Variants in ACSS3 observed in about 807,000 individuals in gnomAD.
ACSS3 encodes acyl-CoA synthetase short chain family member 3.
Under a neutral mutation model 84.2 loss-of-function variants are expected in ACSS3, and 64 were observed. The ratio of observed to expected loss-of-function variants is 0.76; its 90% CI spans 0.62 to 0.94. The LOEUF is 0.94. Among genes scored for constraint, ACSS3 ranks in the 40% least tolerant of loss-of-function variants. ACSS3 has a pLI of 0.00. For missense variants in ACSS3, 815 were observed against 867.6 expected (o/e 0.94, Z 0.76); for synonymous variants, 317 against 310.1 (o/e 1.02, Z -0.23).
chr12:81,081,382 C>T (rs908148182), intron 1 of ACSS3, among the ~76,000 whole-genome samples: 10 of 152,138 alleles, frequency 6.6e-5, no homozygotes, highest in South Asian at 4.1e-4. Flanking sequence ...GGGGTTTATA[C>T]GTGATTGCTT....
At chr12:81,244,090 G>C (rs1382679506) in intron 13 of ACSS3, among the ~76,000 whole-genome samples, 1 of 151,822 alleles carries the variant, frequency 6.6e-6, no homozygotes, top group Non-Finnish European at 1.5e-5. Flanking sequence ...ATTTTTGAAG[G>C]ATAATTTTCC....
chr12:81,200,036 T>C (rs1173066915), intron 9 of ACSS3, among the ~76,000 whole-genome samples: 1 of 152,238 alleles, frequency 6.6e-6, no homozygotes, highest in African/African-American at 2.4e-5. Flanking sequence ...AATTTGTTCA[T>C]TTAATTTATT....
intron 7 of ACSS3, among the ~76,000 whole-genome samples, chr12:81,166,425 G>A (rs1887406055): frequency 6.6e-6 from 1 of 152,198 alleles, no homozygotes; most frequent in Non-Finnish European, 1.5e-5. Flanking sequence ...GTATGACATT[G>A]TGAAGTAAGA....
chr12:81,242,643 C>G (rs1275897239), intron 13 of ACSS3, among the ~76,000 whole-genome samples: 1 of 144,060 alleles, frequency 6.9e-6, no homozygotes, highest in Admixed American at 7.1e-5. Context: ...AGCAGCACAT[C>G]AAAAAGTTTA....
chr12:81,103,831 G>T (rs1368526802), intron 1 of ACSS3, among the ~76,000 whole-genome samples: 1 of 152,106 alleles, frequency 6.6e-6, no homozygotes, highest in Non-Finnish European at 1.5e-5. Context: ...GTTTATAGAA[G>T]TAGTATTGTA....
At chr12:81,223,349 C>T (rs1396578950) in intron 11 of ACSS3, among the ~76,000 whole-genome samples, 4 of 151,990 alleles carry the variant, frequency 2.6e-5, no homozygotes, top group East Asian at 1.9e-4. Context: ...ATATGGTTAA[C>T]GATGCCTGTT....
chr12:81,115,159 A>C (rs935964243), intron 2 of ACSS3, among the ~76,000 whole-genome samples: 2 of 152,156 alleles, frequency 1.3e-5, no homozygotes, highest in African/African-American at 4.8e-5. Context: ...TTTTGTTGAC[A>C]ATATTTATGC....
At chr12:81,230,084 C>T (rs987223555) in intron 11 of ACSS3, among the ~76,000 whole-genome samples, 3 of 151,786 alleles carry the variant, frequency 2.0e-5, no homozygotes, top group Admixed American at 2.0e-4. Context: ...GCCATCTGTG[C>T]TTCATTTTCA....
At chr12:81,175,005 AT>A (rs1593160322) in intron 8 of ACSS3, 66 bp downstream of exon 8, 29 of 1,545,944 alleles carry the variant, frequency 1.9e-5, no homozygotes, top group Middle Eastern at 1.8e-4. Flanking sequence ...AGTGAACATT[AT>A]TTTTTTTCTG....
chr12:81,113,914 G>A (rs990430381), intron 2 of ACSS3, among the ~76,000 whole-genome samples: 8 of 152,078 alleles, frequency 5.3e-5, no homozygotes, highest in Non-Finnish European at 1.0e-4. Flanking sequence ...CAAGTTAGTC[G>A]TTATATTAAG....
At chr12:81,122,748 A>G (rs10778791) in intron 2 of ACSS3, among the ~76,000 whole-genome samples, 135,218 of 152,128 alleles carry the variant, frequency 0.89, 61,106 homozygotes, top group Middle Eastern at 0.97. Context: ...GCATAACTGT[A>G]AAAAGTTACC....
intron 9 of ACSS3, among the ~76,000 whole-genome samples, chr12:81,213,729 TCCG>T (rs2032726424): frequency 9.5e-6 from 1 of 104,858 alleles, no homozygotes; most frequent in Non-Finnish European, 2.0e-5. Context: ...TCCGCTCCCC[TCCG>T]CTCCCCTCCG....
At chr12:81,237,206 A>C (rs7298762) in intron 13 of ACSS3, among the ~76,000 whole-genome samples, 2,828 of 151,608 alleles carry the variant, frequency 0.019, 86 homozygotes, top group African/African-American at 0.064. Context: ...ATAGTGAGCC[A>C]ATCTCCCCAG....
At chr12:81,199,010 A>G (rs955340857) in intron 8 of ACSS3, among the ~76,000 whole-genome samples, 2 of 152,178 alleles carry the variant, frequency 1.3e-5, no homozygotes, top group Admixed American at 6.5e-5. Context: ...TAGCGGAGAC[A>G]ATGTCAAGGT....
intron 1 of ACSS3, among the ~76,000 whole-genome samples, chr12:81,098,701 A>G (rs1376944146): frequency 6.6e-6 from 1 of 152,248 alleles, no homozygotes; most frequent in Non-Finnish European, 1.5e-5. Context: ...GTCTGCAGTC[A>G]TTTAAATAAC....
chr12:81,126,813 A>G (rs1885128183), intron 2 of ACSS3, among the ~76,000 whole-genome samples: 1 of 152,096 alleles, frequency 6.6e-6, no homozygotes, highest in African/African-American at 2.4e-5. Flanking sequence ...ATTGAAACCC[A>G]TGTGTGAAGA....
chr12:81,199,632 T>G (rs1386782795), intron 9 of ACSS3, 188 bp downstream of exon 9: 12 of 1,498,722 alleles, frequency 8.0e-6, no homozygotes, highest in Non-Finnish European at 1.1e-5. Flanking sequence ...ATAAGTGACA[T>G]TGATGCCACC....
At chr12:81,241,728 G>A (rs1053370580) in intron 13 of ACSS3, among the ~76,000 whole-genome samples, 2 of 151,916 alleles carry the variant, frequency 1.3e-5, no homozygotes, top group African/African-American at 2.4e-5. Context: ...TGTAGATTCT[G>A]GATATTAGCC....
At chr12:81,116,000 A>G (rs957180663) in intron 2 of ACSS3, among the ~76,000 whole-genome samples, 1 of 152,136 alleles carries the variant, frequency 6.6e-6, no homozygotes, top group Non-Finnish European at 1.5e-5. Flanking sequence ...GCATTTATTA[A>G]TGTTAAAATG....
Sources: gnomAD v4.1 joint callset for allele counts (sites outside exome capture counted in the v4.1 genomes callset) on GRCh38, gnomAD v4.1.1 for gene constraint, MANE v1.5 for transcripts, NCBI Gene and HGNC (gene_info 2026-07-23, HGNC 2026-07-21) for gene names.